HECW1: variants seen among roughly 807,000 people sequenced by gnomAD.
HECW1 encodes the protein E3 ubiquitin-protein ligase HECW1.
In HECW1, 61 loss-of-function variants were observed where a neutral mutation model predicts 182.3. The observed-to-expected ratio is 0.33, with a 90% CI of 0.27 to 0.41. HECW1 has a LOEUF of 0.41. Among genes scored for constraint, HECW1 ranks in the 10% least tolerant of loss-of-function variants. HECW1 has a pLI of 1.00. For synonymous variants in HECW1, 859 were observed against 832.6 expected (o/e 1.03, Z -0.55); for missense variants, 1,739 against 2,108.9 (o/e 0.82, Z 3.44).
At chr7:43,390,701 G>A (rs1216886018) in intron 6 of HECW1, among the ~76,000 whole-genome samples, 1 of 152,098 alleles carries the variant, frequency 6.6e-6, no homozygotes, top group Non-Finnish European at 1.5e-5. Context: ...CTTGTTTTAA[G>A]TCTTTCAGAC....
chr7:43,262,213 ACT>A (rs1337896907), intron 3 of HECW1, among the ~76,000 whole-genome samples: 1 of 150,782 alleles, frequency 6.6e-6, no homozygotes, highest in African/African-American at 2.5e-5. Context: ...AGAATGAGAC[ACT>A]GTCTCAAAAA....
chr7:43,478,941 A>G (rs1012522871), intron 16 of HECW1, among the ~76,000 whole-genome samples: 1 of 152,136 alleles, frequency 6.6e-6, no homozygotes, highest in African/African-American at 2.4e-5. Context: ...TTTATCTATG[A>G]CTGATACTGC....
chr7:43,515,992 G>C (rs2080129862), intron 24 of HECW1, among the ~76,000 whole-genome samples: 1 of 152,198 alleles, frequency 6.6e-6, no homozygotes, highest in African/African-American at 2.4e-5. Context: ...ATATAGGAAA[G>C]ATTCACATTT....
At chr7:43,532,650 T>A (rs938720607) in intron 24 of HECW1, among the ~76,000 whole-genome samples, 1 of 152,184 alleles carries the variant, frequency 6.6e-6, no homozygotes, top group African/African-American at 2.4e-5. Context: ...CAGCTTGTGA[T>A]GCTCATTCTC....
intron 5 of HECW1, among the ~76,000 whole-genome samples, chr7:43,349,261 T>A (rs1424831189): frequency 1.3e-5 from 2 of 152,206 alleles, no homozygotes; most frequent in African/African-American, 4.8e-5. Context: ...CTCAAACTCC[T>A]GACCTCAAGT....
At chr7:43,309,144 C>T (rs1045038781) in intron 3 of HECW1, among the ~76,000 whole-genome samples, 3 of 152,084 alleles carry the variant, frequency 2.0e-5, no homozygotes, top group African/African-American at 7.2e-5. Flanking sequence ...AATGGGATTC[C>T]TGTGCATCAT....
intron 2 of HECW1, among the ~76,000 whole-genome samples, chr7:43,228,976 T>C (rs1218358538): frequency 3.9e-5 from 6 of 152,214 alleles, no homozygotes; most frequent in Admixed American, 6.5e-5. Context: ...GTGTCTTTTT[T>C]TCTTCTGTTT....
At chr7:43,226,966 A>G (rs1402189023) in intron 2 of HECW1, among the ~76,000 whole-genome samples, 1 of 152,192 alleles carries the variant, frequency 6.6e-6, no homozygotes, top group African/African-American at 2.4e-5. Flanking sequence ...ACGTCATGAA[A>G]ACTGCCTGTC....
At chr7:43,530,565 T>C (rs1022482895) in intron 24 of HECW1, among the ~76,000 whole-genome samples, 11 of 152,156 alleles carry the variant, frequency 7.2e-5, no homozygotes, top group African/African-American at 1.2e-4. Context: ...ATATAAAATA[T>C]AGCAATGTAA....
At chr7:43,417,465 AT>A (rs1157768801) in intron 8 of HECW1, among the ~76,000 whole-genome samples, 1 of 151,766 alleles carries the variant, frequency 6.6e-6, no homozygotes, top group Non-Finnish European at 1.5e-5. Flanking sequence ...CTTATTGTTT[AT>A]TTGAATGTCT....
chr7:43,152,249 A>G (rs1318446980), intron 2 of HECW1, among the ~76,000 whole-genome samples: 2 of 152,244 alleles, frequency 1.3e-5, no homozygotes, highest in Non-Finnish European at 2.9e-5. Flanking sequence ...AACCCATCAG[A>G]ATACAGAACA....
At chr7:43,358,079 C>A (rs1303050313) in intron 5 of HECW1, among the ~76,000 whole-genome samples, 2 of 152,122 alleles carry the variant, frequency 1.3e-5, no homozygotes, top group Non-Finnish European at 2.9e-5. Context: ...AAATGGAAAT[C>A]TAGTAGTGCC....
intron 12 of HECW1, 79 bp from the exon 13 acceptor site, chr7:43,456,218 G>A: frequency 7.0e-7 from 1 of 1,437,496 alleles, no homozygotes; most frequent in Non-Finnish European, 9.5e-7. Flanking sequence ...ACCTGCAGAA[G>A]ACTTGGAAGT....
chr7:43,289,459 G>T (rs1805102233), intron 3 of HECW1, among the ~76,000 whole-genome samples: 1 of 152,126 alleles, frequency 6.6e-6, no homozygotes, highest in Non-Finnish European at 1.5e-5. Context: ...CCCTTACAGG[G>T]GTTGGGTTCC....
rs532759207 is a variant in HECW1, at chr7:43,429,618, A to G, written c.802-8385A>G. 1.4e-4 allele frequency among the ~76,000 whole-genome samples: 22 copies of G among 152,238 alleles called. 1 individual carries two copies. In the South Asian group the frequency reaches 3.1e-3, roughly 22 times the overall value. On this transcript the variant is annotated intron_variant, in intron 8 of 29. Transcript: ENST00000395891. ...TTTTTGAATGTCATTTTTAAACCTA[A>G]TGACTAGTGCCACCTGAACTGAAAG... is the stretch of plus-strand genomic sequence containing the variant.
At chr7:43,483,570 C>A (rs1484986070) in intron 17 of HECW1, among the ~76,000 whole-genome samples, 8 of 59,964 alleles carry the variant, frequency 1.3e-4, no homozygotes, top group African/African-American at 3.3e-4. Context: ...TTTTTTTGAG[C>A]TAGAGTCTCG....
chr7:43,547,267 A>T (rs965724166), intron 26 of HECW1, among the ~76,000 whole-genome samples: 9 of 152,158 alleles, frequency 5.9e-5, no homozygotes, highest in Non-Finnish European at 2.9e-5. Context: ...CTGTGTTTTC[A>T]GCCAGGCATG....
At chr7:43,538,007 A>G (rs2081239531) in intron 24 of HECW1, among the ~76,000 whole-genome samples, 1 of 152,174 alleles carries the variant, frequency 6.6e-6, no homozygotes, top group African/African-American at 2.4e-5. Context: ...GCTGGTTGAG[A>G]GTGGTCCTTG....
chr7:43,324,898 TTGCAGATGACC>T (rs1442075358), intron 5 of HECW1, among the ~76,000 whole-genome samples: 1 of 152,180 alleles, frequency 6.6e-6, no homozygotes, highest in South Asian at 2.1e-4. Context: ...TGGATGTATA[TTGCAGATGACC>T]TGGAGTCTGC....
Sources: gnomAD v4.1 joint callset for allele counts (sites outside exome capture counted in the v4.1 genomes callset) on GRCh38, gnomAD v4.1.1 for gene constraint, MANE v1.5 for transcripts, NCBI Gene and HGNC (gene_info 2026-07-23, HGNC 2026-07-21) for gene names.